CXXC4: variants seen among roughly 807,000 people sequenced by gnomAD.
CXXC4 encodes the protein CXXC finger protein 4, also known as CXXC-type zinc finger protein 4.
Under a neutral mutation model 20.5 loss-of-function variants are expected in CXXC4, and 5 were observed. That is an observed-to-expected ratio of 0.24 (90% CI 0.13 to 0.51). The LOEUF is 0.51. CXXC4 is among the 20% of genes least tolerant of loss of function. CXXC4 has a pLI of 0.97. For synonymous variants in CXXC4, 250 were observed against 216.4 expected (o/e 1.16, Z -1.36); for missense variants, 419 against 496.4 (o/e 0.84, Z 1.48).
At chr4:104,490,682 AG>A in intron 2 of CXXC4, 61 bp downstream of exon 2, 1 of 1,388,394 alleles carries the variant, frequency 7.2e-7, no homozygotes, top group South Asian at 1.3e-5. Context: ...GAATCCCTGA[AG>A]GGGAGAGGGA....
At position 104,491,244 on chromosome 4, in the gene CXXC4, C is replaced by G. The variant is rs1362615050; in HGVS notation, c.559G>C (p.Glu187Gln). ...GTATTTGCCATTTGCAACGACGGCT[C>G]TGGCGGGCAGCCAGCTTTCCCCAGC... Reference protein sequence around the residue: ...QRLGKAGCPPEPSLQMANTNF... With the variant: ...QRLGKAGCPPQPSLQMANTNF... Residue 187 changes from glutamate to glutamine, a missense_variant, in exon 2 of 3, where the codon GAG becomes CAG. Coordinates refer to ENST00000394767, the MANE Select transcript of CXXC4 (RefSeq NM_025212.4). 9.3e-6 allele frequency: 15 copies of G among 1,612,846 alleles called. No individual in the cohort carries two copies. Among genetic ancestry groups the G allele is most frequent in the South Asian group, 1.1e-5 (1 of 91,070 alleles).
intron 2 of CXXC4, chr4:104,475,105 C>T (rs1736371436): frequency 6.6e-6 from 1 of 152,054 alleles, no homozygotes; most frequent in African/African-American, 2.4e-5. Context: ...TACTGTGCAT[C>T]GTGATTTTAC....
rs1435097918 is a variant in CXXC4 at position 104,472,313 on chromosome 4, A to G, written c.*9T>C. On this transcript the variant is annotated 3_prime_UTR_variant, in exon 3 of 3. Transcript: ENST00000394767. ...TCCAAATGCCTTGAAAATAAGATAT[A>G]CTACTGCTTTAAAAGAACCATCGGA... is the stretch of plus-strand genomic sequence containing the variant. The G allele has an allele frequency of 3.8e-6, 6 of 1,591,056 alleles. No homozygotes were observed. Among genetic ancestry groups the G allele is most frequent in the Non-Finnish European group, 5.2e-6 (6 of 1,164,358 alleles).
At chr4:104,473,390 T>C (rs1195892826) in intron 2 of CXXC4, among the ~76,000 whole-genome samples, 1 of 151,890 alleles carries the variant, frequency 6.6e-6, no homozygotes, top group African/African-American at 2.4e-5. Context: ...CACCAAAGTA[T>C]AAGCAATCAT....
In CXXC4 at chr4:104,491,323, G is replaced by GCCGCCGCCA. The variant is rs758745145; in HGVS notation, c.471_479dup (p.Gly163_Gly165dup). On this transcript the variant is annotated inframe_insertion, in exon 2 of 3. Coordinates refer to ENST00000394767, the MANE Select transcript of CXXC4 (RefSeq NM_025212.4). ...TGGTCCTGCTGCCGCCGCCGCCGCCGCCGCCGCCACCGCCGGCGGGGAGGA... is the reference window on the plus strand; with the variant it reads ...TGGTCCTGCTGCCGCCGCCGCCGCCGCCGCCGCCACCGCCGCCACCGCCGGCGGGGAGGA... The GCCGCCGCCA allele has an allele frequency of 1.2e-5, 18 of 1,556,516 alleles. No homozygotes were observed. The highest frequency in any genetic ancestry group is 5.9e-5 in the South Asian group (5 of 85,102).
At chr4:104,477,704 A>T (rs544255029) in intron 2 of CXXC4, among the ~76,000 whole-genome samples, 2 of 152,154 alleles carry the variant, frequency 1.3e-5, no homozygotes, top group African/African-American at 4.8e-5. Flanking sequence ...TATTATAAAC[A>T]AAACATTTTA....
Position 104,490,829 on chromosome 4 carries a change from C to T in CXXC4, c.974G>A (p.Ser325Asn), listed in dbSNP as rs1736827556. ...GTGTCCCGTTTTGCGGTTCCTGCAA[C>T]TGCTGCAGACGCCACAGTTGATGAG... Reference protein sequence around the residue: ...KRLINCGVCSSCRNRKTGHQI... With the variant: ...KRLINCGVCSNCRNRKTGHQI... Residue 325 changes from serine to asparagine, a missense_variant, in exon 2 of 3, where the codon AGT (serine) becomes AAT (asparagine). Coordinates refer to ENST00000394767, the MANE Select transcript of CXXC4 (RefSeq NM_025212.4). The T allele has an allele frequency of 6.2e-7, 1 of 1,614,240 alleles. No homozygotes were observed. The highest frequency in any genetic ancestry group is 2.2e-5 in the East Asian group (1 of 44,880).
At chr4:104,492,584 T>C (rs1038747333) in intron 1 of CXXC4, among the ~76,000 whole-genome samples, 1 of 152,090 alleles carries the variant, frequency 6.6e-6, no homozygotes, top group Non-Finnish European at 1.5e-5. Context: ...GAGTATAAAC[T>C]GTAAGCAAAC....
Position 104,491,298 on chromosome 4 carries a change from T to C in CXXC4, c.505A>G (p.Ser169Gly). ...GGGGGGGSRT[S>G]MHHRNDSQRL... Reference sequence around the variant, plus strand: ...TGGGAGTCGTTTCGGTGGTGCATGCTGGTCCTGCTGCCGCCGCCGCCGCCG... The same window carrying C: ...TGGGAGTCGTTTCGGTGGTGCATGCCGGTCCTGCTGCCGCCGCCGCCGCCG... The change falls in exon 2 of 3, where the codon AGC becomes GGC. Residue 169 changes from serine (S) to glycine (G), a missense_variant. Ser to Gly is a moderately conservative substitution (Grantham distance 56). Coordinates refer to ENST00000394767, the MANE Select transcript of CXXC4 (RefSeq NM_025212.4). 1 of 1,588,810 alleles carries C rather than the reference T, an allele frequency of 6.3e-7. No homozygotes were observed. The highest frequency in any genetic ancestry group is 8.6e-7 in the Non-Finnish European group (1 of 1,169,426).
intron 2 of CXXC4, among the ~76,000 whole-genome samples, chr4:104,490,190 G>T (rs1736805788): frequency 1.3e-5 from 2 of 152,206 alleles, no homozygotes; most frequent in African/African-American, 4.8e-5. Context: ...CTGCCTTGAT[G>T]AGTAGAAAAA....
intron 2 of CXXC4, among the ~76,000 whole-genome samples, chr4:104,481,128 A>G (rs1017652039): frequency 6.6e-6 from 1 of 152,314 alleles, no homozygotes; most frequent in East Asian, 1.9e-4. Context: ...TGAGTCAAGG[A>G]ATCCTAAGGC....
chr4:104,477,300 T>C lies in CXXC4; in HGVS notation c.1060-4934A>G, dbSNP rs556952425. On this transcript the variant is annotated intron_variant, in intron 2 of 2. Transcript: ENST00000394767. ...GATGGTGAAAAAAACTACCTTTTTT[T>C]TCTGATTTGATTCACGAAGAATGCT... 1.6e-4 allele frequency among the ~76,000 whole-genome samples: 25 copies of C among 152,276 alleles called. 1 individual carries two copies. The highest frequency in any genetic ancestry group is 5.8e-4 in the African/African-American group (24 of 41,576).
chr4:104,474,159 G>C (rs1304257328), intron 2 of CXXC4, among the ~76,000 whole-genome samples: 1 of 151,862 alleles, frequency 6.6e-6, no homozygotes, highest in African/African-American at 2.4e-5. Flanking sequence ...ATCTGCCTGA[G>C]CAGCGCTTTC....
At chr4:104,474,411 C>T (rs183233106) in intron 2 of CXXC4, among the ~76,000 whole-genome samples, 174 of 152,004 alleles carry the variant, frequency 1.1e-3, no homozygotes, top group East Asian at 0.011. Context: ...AGCTACATGA[C>T]GTAATAAGAA....
In CXXC4 at chr4:104,490,847, T is replaced by C. The variant is rs1394025627; in HGVS notation, c.956A>G (p.Asn319Ser). 8 of 1,614,062 alleles carry C rather than the reference T, an allele frequency of 5.0e-6. No individual in the cohort carries two copies. Among genetic ancestry groups the C allele is most frequent in the African/African-American group, 1.3e-5 (1 of 74,926 alleles). Reference sequence around the variant, plus strand: ...CCTGCAACTGCTGCAGACGCCACAGTTGATGAGCCTCTTGCAGGGCACGCA... The same window carrying C: ...CCTGCAACTGCTGCAGACGCCACAGCTGATGAGCCTCTTGCAGGGCACGCA... ...GVCVPCKRLI[N>S]CGVCSSCRNR... Residue 319 changes from asparagine to serine, a missense_variant, in exon 2 of 3, where the codon AAC (asparagine) becomes AGC (serine). By Grantham distance (46) the Asn-to-Ser change is conservative. This residue lies in a region of CXXC4 where 15 missense variants were observed against 63.0 expected (regional missense o/e 0.24). Transcript: ENST00000394767.
intron 2 of CXXC4, among the ~76,000 whole-genome samples, chr4:104,480,316 C>A (rs1263496937): frequency 1.3e-5 from 2 of 152,030 alleles, no homozygotes; most frequent in African/African-American, 2.4e-5. Flanking sequence ...TGATTGATAT[C>A]CTTCTCATCA....
chr4:104,490,719 G>A (rs779597261), intron 2 of CXXC4, 25 bp downstream of exon 2: 14 of 1,576,860 alleles, frequency 8.9e-6, no homozygotes, highest in African/African-American at 2.7e-5. Flanking sequence ...GGGAGACTGG[G>A]AAACAAGAAA....
intron 2 of CXXC4, among the ~76,000 whole-genome samples, chr4:104,486,882 TG>T (rs1226235268): frequency 1.3e-5 from 2 of 152,198 alleles, no homozygotes; most frequent in Non-Finnish European, 2.9e-5. Flanking sequence ...GATGGTGCTT[TG>T]TCCAGAGTTT....
chr4:104,490,929 A>G lies in CXXC4; in HGVS notation c.874T>C (p.Ser292Pro), dbSNP rs762670643. 2.5e-6 allele frequency: 4 copies of G among 1,614,032 alleles called. No homozygotes were observed. Among genetic ancestry groups the G allele is most frequent in the Non-Finnish European group, 3.4e-6 (4 of 1,180,010 alleles). Residue 292 changes from serine to proline, a missense_variant, in exon 2 of 3, where the codon TCA becomes CCA. Around this residue, in one of 3 missense-constraint regions of CXXC4, gnomAD observed 388 missense variants for 416.0 expected, o/e 0.93. Transcript: ENST00000394767. ...GGGTTGGCTCCGCCAGCTCCCCCTG[A>G]GGAGGACGAGGAGGAGGAGGAATGA... is the stretch of plus-strand genomic sequence containing the variant. Reference protein sequence around the residue: ...QNHSSSSSSSSGGAGGANPAK... With the variant: ...QNHSSSSSSSPGGAGGANPAK...
Sources: gnomAD v4.1 joint callset for allele counts (sites outside exome capture counted in the v4.1 genomes callset) on GRCh38, gnomAD v4.1.1 for gene constraint, gnomAD v4.1.1 regional missense constraint, MANE v1.5 for transcripts, NCBI Gene and HGNC (gene_info 2026-07-23, HGNC 2026-07-21) for gene names.